KALRN: variants seen among roughly 807,000 people sequenced by gnomAD.
KALRN encodes kalirin.
A neutral mutation model predicts 353.7 loss-of-function variants in KALRN; 70 were observed. That is an observed-to-expected ratio of 0.20 (90% CI 0.16 to 0.24). KALRN has a LOEUF of 0.24. Ranked by LOEUF, KALRN falls within the 10% of genes least tolerant of loss-of-function variation. KALRN has a pLI of 1.00. For synonymous variants in KALRN, 1,391 were observed against 1,434.8 expected, an observed-to-expected ratio of 0.97 and a Z score of 0.69; for missense variants, 2,791 against 3,756.7, an observed-to-expected ratio of 0.74 and a Z score of 6.72.
chr3:124,163,354 G>C (rs1427381345), intron 1 of KALRN: 2 of 152,500 alleles, frequency 1.3e-5, no homozygotes, highest in African/African-American at 4.8e-5. Context: ...AATGACACTT[G>C]TGCCAGCTTT....
intron 10 of KALRN, among the ~76,000 whole-genome samples, chr3:124,372,906 C>CAATTTCAATGGTAGATTAGT (rs1553934396): frequency 6.6e-6 from 1 of 151,788 alleles, no homozygotes; most frequent in Admixed American, 6.6e-5. Context: ...CTTGGATGAG[C>CAATTTCAATGGTAGATTAGT]GGTTTCAATG....
rs1460605181 is a variant in KALRN at position 124,249,583 on chromosome 3, C to T, written c.263+14640C>T. Among the ~76,000 whole-genome samples, 6 of 152,166 alleles carry T rather than the reference C, an allele frequency of 3.9e-5. No homozygotes were observed. In the East Asian group the frequency reaches 1.2e-3, roughly 29 times the overall value. Reference sequence around the variant, plus strand: ...GCTTGCTGCAATCATACATACACTGCCCCCTAACATAGACCCTGCCTGTGG... The same window carrying T: ...GCTTGCTGCAATCATACATACACTGTCCCCTAACATAGACCCTGCCTGTGG... On this transcript the variant is annotated intron_variant, in intron 3 of 59. Coordinates refer to ENST00000682506, the MANE Select transcript of KALRN (RefSeq NM_001388419.1).
intron 51 of KALRN, among the ~76,000 whole-genome samples, chr3:124,679,956 T>A (rs549270623): frequency 6.6e-6 from 1 of 152,370 alleles, no homozygotes; most frequent in South Asian, 2.1e-4. Context: ...TTTAGCCCTT[T>A]ATCCTCTTCA....
chr3:124,235,750 C>G (rs1048354268), intron 3 of KALRN, among the ~76,000 whole-genome samples: 2 of 152,190 alleles, frequency 1.3e-5, no homozygotes, highest in Admixed American at 1.3e-4. Flanking sequence ...CTCTCTGTCT[C>G]TTAGTGGGGC....
chr3:124,522,194 T>C (rs2067220214), intron 33 of KALRN, among the ~76,000 whole-genome samples: 1 of 151,878 alleles, frequency 6.6e-6, no homozygotes, highest in South Asian at 2.1e-4. Flanking sequence ...TATGTACATA[T>C]GCACAGGCAT....
chr3:124,556,422 A>T (rs1480420871), intron 33 of KALRN, among the ~76,000 whole-genome samples: 2 of 152,186 alleles, frequency 1.3e-5, no homozygotes, highest in African/African-American at 4.8e-5. Context: ...ATTATAATCA[A>T]TTCAAGATAA....
chr3:124,631,312 C>T (rs1274434923), intron 34 of KALRN, among the ~76,000 whole-genome samples: 1 of 152,194 alleles, frequency 6.6e-6, no homozygotes, highest in African/African-American at 2.4e-5. Context: ...CTCACCAGCA[C>T]TTTCTCCCCT....
At chr3:124,718,078 C>A (rs1312923406) in intron 59 of KALRN, among the ~76,000 whole-genome samples, 1 of 151,060 alleles carries the variant, frequency 6.6e-6, no homozygotes, top group Non-Finnish European at 1.5e-5. Context: ...TCCCAAAGTG[C>A]TGGGATTACA....
rs540336530 is a variant in KALRN, at chr3:124,452,297, C to A, written c.3553-2880C>A. ...ACTCTTGCTGGTCTAGCTTTACTCA[C>A]CTCCAAACACAAGATTTGCTCATTC... On this transcript the variant is annotated intron_variant, in intron 21 of 59. Coordinates refer to ENST00000682506, the MANE Select transcript of KALRN (RefSeq NM_001388419.1). 6.6e-5 allele frequency among the ~76,000 whole-genome samples: 10 copies of A among 152,346 alleles called. No homozygotes were observed. The South Asian group carries it at 1.9e-3, about 28-fold the overall frequency.
chr3:124,715,479 A>G (rs1270832919), intron 58 of KALRN, among the ~76,000 whole-genome samples: 1 of 152,188 alleles, frequency 6.6e-6, no homozygotes, highest in African/African-American at 2.4e-5. Context: ...TGCTGCTGTT[A>G]ATTGCTCCCT....
chr3:124,661,731 C>A, intron 44 of KALRN, 120 bp from the exon 45 acceptor site: 1 of 787,804 alleles, frequency 1.3e-6, no homozygotes, highest in Non-Finnish European at 2.3e-6. Flanking sequence ...GAACCAGCAT[C>A]CCTTCCTAGA....
chr3:124,284,097 C>A (rs1008044656), intron 5 of KALRN, among the ~76,000 whole-genome samples: 8 of 152,142 alleles, frequency 5.3e-5, no homozygotes, highest in Admixed American at 2.0e-4. Context: ...GAGGCAGAGA[C>A]CATCAGTTGG....
intron 1 of KALRN, among the ~76,000 whole-genome samples, chr3:124,175,293 T>C (rs1033555956): frequency 3.9e-5 from 6 of 152,138 alleles, no homozygotes; most frequent in African/African-American, 1.2e-4. Flanking sequence ...CTGTGTGCAC[T>C]GCCTAGGGCC....
intron 11 of KALRN, among the ~76,000 whole-genome samples, chr3:124,389,954 A>G (rs2089081626): frequency 6.6e-6 from 1 of 152,228 alleles, no homozygotes; most frequent in Admixed American, 6.5e-5. Context: ...GAGAAAAGCT[A>G]CTTAAAAAAG....
chr3:124,349,644 G>A (rs2082639392), intron 10 of KALRN, among the ~76,000 whole-genome samples: 1 of 151,962 alleles, frequency 6.6e-6, no homozygotes, highest in Non-Finnish European at 1.5e-5. Flanking sequence ...CACTGTGAAT[G>A]TACTTAATAC....
chr3:124,444,610 C>A (rs1361004140), intron 19 of KALRN, among the ~76,000 whole-genome samples: 1 of 148,462 alleles, frequency 6.7e-6, no homozygotes. Context: ...CCAGCCTGGG[C>A]AACATAGTGA....
intron 19 of KALRN, among the ~76,000 whole-genome samples, chr3:124,444,415 T>C (rs1038498880): frequency 6.6e-6 from 1 of 152,110 alleles, no homozygotes. Context: ...CAGAGATCAG[T>C]TGGGGAGTGA....
chr3:124,264,944 G>A (rs1269128191), intron 4 of KALRN, among the ~76,000 whole-genome samples: 1 of 152,184 alleles, frequency 6.6e-6, no homozygotes, highest in East Asian at 1.9e-4. Flanking sequence ...TGGGACAACT[G>A]TTTGTGGAGG....
chr3:124,665,523 G>A (rs981180647), intron 45 of KALRN, among the ~76,000 whole-genome samples: 1 of 152,126 alleles, frequency 6.6e-6, no homozygotes, highest in Non-Finnish European at 1.5e-5. Flanking sequence ...GGAGTGCAGT[G>A]GTGCAGTTTT....
Sources: allele counts gnomAD v4.1 joint callset (sites outside exome capture counted in the v4.1 genomes callset), GRCh38; gene constraint gnomAD v4.1.1; transcripts MANE v1.5; gene names NCBI Gene and HGNC (gene_info 2026-07-23, HGNC 2026-07-21).